LRP2: variants seen among roughly 807,000 people sequenced by gnomAD.
LRP2 encodes low-density lipoprotein receptor-related protein 2.
Under a neutral mutation model 531.0 loss-of-function variants are expected in LRP2, and 172 were observed. That is an observed-to-expected ratio of 0.32 (90% confidence interval 0.29 to 0.37). LRP2 has a LOEUF of 0.37. LRP2 is among the 10% of genes least tolerant of loss of function. The pLI is 1.00. For synonymous variants in LRP2, 1,992 were observed against 2,027.6 expected (o/e 0.98, Z 0.47); for missense variants, 5,167 against 5,868.3 (o/e 0.88, Z 3.90).
Position 169,237,087 on chromosome 2 carries a change from T to A in LRP2, c.4691+16A>T, listed in dbSNP as rs201303681. ...TAACCATGTCAAGGCAACATAATTT[T>A]AAAAAAAAGTCTTACTTCATTCTGG... On this transcript the variant is annotated intron_variant, in intron 28 of 78. Coordinates refer to ENST00000649046, the MANE Select transcript of LRP2 (RefSeq NM_004525.3). The A allele has an allele frequency of 1.2e-4, 186 of 1,606,242 alleles. No homozygotes were observed. Among genetic ancestry groups the A allele is most frequent in the Middle Eastern group, 3.3e-4 (2 of 6,062 alleles).
At position 169,185,617 on chromosome 2, in the gene LRP2, A is replaced by G. The variant is rs1275010823; in HGVS notation, c.9731T>C (p.Ile3244Thr). The change falls in exon 50 of 79, where the codon ATT (isoleucine) becomes ACT (threonine). Residue 3244 changes from isoleucine (I) to threonine (T), a missense_variant. Around this residue, in one of 6 missense-constraint regions of LRP2, gnomAD observed 1,129 missense variants for 1,362.7 expected, o/e 0.83. Coordinates refer to ENST00000649046, the MANE Select transcript of LRP2 (RefSeq NM_004525.3). ...CTCAATGACTTGCCTCTGTGTATCA[A>G]TCCAATACAATCTCTTCTCTACTCG... ...FDRVEKRLYW[I>T]DTQRQVIERM... 1.2e-6 allele frequency: 2 copies of G among 1,614,044 alleles called. No homozygotes were observed. The highest frequency in any genetic ancestry group is 3.3e-5 in the Admixed American group (2 of 60,002).
chr2:169,248,476 A>T (rs925623577), intron 19 of LRP2, among the ~76,000 whole-genome samples: 1 of 152,246 alleles, frequency 6.6e-6, no homozygotes, highest in Non-Finnish European at 1.5e-5. Flanking sequence ...CATATACTTA[A>T]ATAAGTAAGG....
chr2:169,323,512 A>G (rs1448165337), intron 1 of LRP2, among the ~76,000 whole-genome samples: 3 of 152,168 alleles, frequency 2.0e-5, no homozygotes, highest in Non-Finnish European at 2.9e-5. Context: ...CCTTACTTCA[A>G]TTAGTCTATA....
At position 169,246,564 on chromosome 2, in the gene LRP2, G is replaced by A. The variant is rs12615839; in HGVS notation, c.3190+141C>T. The A allele has an allele frequency of 7.0e-6, 7 of 1,002,444 alleles. No individual in the cohort carries two copies. In the East Asian group the frequency reaches 1.7e-4, roughly 24 times the overall value. 62.1% of individuals were successfully genotyped at this position (1,002,444 alleles called of 1,614,324 possible). A position where few individuals can be genotyped will look rare whatever the true frequency, so the allele number is the denominator to read the frequency against. ...AAATTTCTTGCTTAGCTTCCTAAAA[G>A]CCTTCAAAGTGCATGTTAAGAATCT... On this transcript the variant is annotated intron_variant, in intron 21 of 78. Transcript: ENST00000649046.
intron 14 of LRP2, among the ~76,000 whole-genome samples, chr2:169,273,727 T>C (rs1385823393): frequency 6.6e-6 from 1 of 152,200 alleles, no homozygotes; most frequent in East Asian, 1.9e-4. Flanking sequence ...TTCAAAATTG[T>C]CTTTTTAGCC....
chr2:169,178,777 T>A (rs574945600), intron 52 of LRP2, among the ~76,000 whole-genome samples: 2 of 152,316 alleles, frequency 1.3e-5, no homozygotes, highest in African/African-American at 2.4e-5. Context: ...TTTAATATTT[T>A]AAAAATTTGG....
chr2:169,242,779 T>C (rs1187129772), intron 24 of LRP2, among the ~76,000 whole-genome samples, 177 bp downstream of exon 24: 1 of 152,238 alleles, frequency 6.6e-6, no homozygotes, highest in African/African-American at 2.4e-5. Flanking sequence ...ATTTGTTAAT[T>C]ACACATTATA....
chr2:169,265,254 A>C (rs970602913), intron 16 of LRP2, among the ~76,000 whole-genome samples: 2 of 152,000 alleles, frequency 1.3e-5, no homozygotes, highest in Non-Finnish European at 2.9e-5. Flanking sequence ...TATGAAGGAG[A>C]AATTGACCAT....
chr2:169,355,100 A>G (rs1685954846), intron 1 of LRP2, among the ~76,000 whole-genome samples: 2 of 152,250 alleles, frequency 1.3e-5, no homozygotes, highest in Non-Finnish European at 2.9e-5. Context: ...TTTCCTGTCT[A>G]TCACAAAGCT....
chr2:169,240,624 A>AT (rs1215898956), intron 25 of LRP2: 4 of 428,454 alleles, frequency 9.3e-6, no homozygotes, highest in Non-Finnish European at 1.3e-5. Flanking sequence ...CCTGGACTTC[A>AT]TTTTTTTGTG....
At chr2:169,337,886 C>T (rs958184846) in intron 1 of LRP2, among the ~76,000 whole-genome samples, 6 of 152,128 alleles carry the variant, frequency 3.9e-5, no homozygotes, top group Admixed American at 6.5e-5. Flanking sequence ...GCAGGAGGAT[C>T]GCTTGAGCCC....
intron 3 of LRP2, among the ~76,000 whole-genome samples, chr2:169,310,507 T>C (rs192133730): frequency 6.0e-4 from 92 of 152,350 alleles, no homozygotes; most frequent in Non-Finnish European, 8.7e-4. Context: ...TTACGCTTAT[T>C]GATTTGCGTA....
chr2:169,336,532 T>TC (rs1350337092), intron 1 of LRP2, among the ~76,000 whole-genome samples: 2 of 143,868 alleles, frequency 1.4e-5, no homozygotes, highest in Non-Finnish European at 3.0e-5. Context: ...AGAGCAAGAC[T>TC]CCATCACACA....
At chr2:169,354,503 T>C (rs1685938347) in intron 1 of LRP2, among the ~76,000 whole-genome samples, 1 of 152,228 alleles carries the variant, frequency 6.6e-6, no homozygotes, top group Non-Finnish European at 1.5e-5. Context: ...AGGTCAGGCA[T>C]GACCTGAGGG....
chr2:169,177,435 TATTTAGG>T, intron 53 of LRP2, among the ~76,000 whole-genome samples: 1 of 152,336 alleles, frequency 6.6e-6, no homozygotes. Flanking sequence ...TAGTATTTAG[TATTTAGG>T]GCTGAAATGC....
Position 169,145,760 on chromosome 2 carries a change from T to C in LRP2, c.12975A>G (p.Arg4325=). The C allele has an allele frequency of 6.2e-7, 1 of 1,614,186 alleles. No homozygotes were observed. The highest frequency in any genetic ancestry group is 8.5e-7 in the Non-Finnish European group (1 of 1,180,022). Residue 4325 remains arginine (R), a synonymous_variant, in exon 70 of 79, where the codon AGA becomes AGG. Coordinates refer to ENST00000649046, the MANE Select transcript of LRP2 (RefSeq NM_004525.3). The stretch of plus-strand genomic sequence containing the variant: ...GTTGGTGATTACCTGACTTATTGTA[T>C]CTGAGTTGATGAAAGATTCGAACTT... ...LTQVRIFHQL[R]YNKSVPNLCK...
intron 1 of LRP2, among the ~76,000 whole-genome samples, chr2:169,352,816 A>C (rs1685885248): frequency 1.4e-5 from 1 of 72,358 alleles, no homozygotes. Flanking sequence ...ACACATGGTC[A>C]CAGGGGGGGG....
intron 47 of LRP2, 99 bp from the exon 48 acceptor site, chr2:169,192,132 A>T (rs1430562484): frequency 1.2e-6 from 1 of 801,926 alleles, no homozygotes; most frequent in Non-Finnish European, 2.0e-6. Flanking sequence ...GTATGAAAGG[A>T]AATGGGAGGA....
intron 52 of LRP2, among the ~76,000 whole-genome samples, chr2:169,180,216 T>A (rs2105292445): frequency 6.6e-6 from 1 of 152,318 alleles, no homozygotes; most frequent in East Asian, 1.9e-4. Flanking sequence ...ATCTTGATGC[T>A]TCTACTAATT....
Sources: gnomAD v4.1 joint callset for allele counts (sites outside exome capture counted in the v4.1 genomes callset) on GRCh38, gnomAD v4.1.1 for gene constraint, gnomAD v4.1.1 regional missense constraint, MANE v1.5 for transcripts, NCBI Gene and HGNC (gene_info 2026-07-23, HGNC 2026-07-21) for gene names.